Variants in PPFIA1 observed in about 807,000 individuals in gnomAD.
PPFIA1 encodes PPFI scaffold protein A1, also known as liprin-alpha-1.
PPFIA1 carries 25 observed loss-of-function variants against 149.9 expected under a neutral mutation model. That is an observed-to-expected ratio of 0.17 (90% CI 0.12 to 0.23). The LOEUF is 0.23. Ranked by LOEUF, PPFIA1 falls within the 10% of genes least tolerant of loss-of-function variation. PPFIA1 has a pLI of 1.00. For synonymous variants in PPFIA1, 549 were observed against 552.8 expected (o/e 0.99, Z 0.10); for missense variants, 1,362 against 1,506.5 (o/e 0.90, Z 1.59).
chr11:70,302,379 G>C (rs2052545286), intron 2 of PPFIA1, among the ~76,000 whole-genome samples: 1 of 152,214 alleles, frequency 6.6e-6, no homozygotes. Flanking sequence ...TGAGCTCACA[G>C]GAAGGTGGCT....
intron 21 of PPFIA1, chr11:70,365,465 C>T (rs151245840): frequency 2.2e-6 from 1 of 456,670 alleles, no homozygotes; most frequent in African/African-American, 2.0e-5. Context: ...CTGCACTCCT[C>T]CCAGCGCGTT....
intron 2 of PPFIA1, among the ~76,000 whole-genome samples, chr11:70,286,456 G>A (rs1019513350): frequency 6.6e-6 from 1 of 152,128 alleles, no homozygotes; most frequent in Non-Finnish European, 1.5e-5. Context: ...TCACCATGTT[G>A]GCCAGGCTGG....
chr11:70,324,651 A>G, intron 3 of PPFIA1, 148 bp downstream of exon 3: 1 of 862,736 alleles, frequency 1.2e-6, no homozygotes. Flanking sequence ...ATTAGTCAGC[A>G]TGATCACACA....
chr11:70,376,137 C>T (rs901589668), intron 24 of PPFIA1, among the ~76,000 whole-genome samples: 23 of 152,266 alleles, frequency 1.5e-4, no homozygotes, highest in African/African-American at 4.8e-4. Context: ...TACCGGCACA[C>T]GCCACCGTGC....
chr11:70,312,924 G>A (rs2053382054), intron 2 of PPFIA1, among the ~76,000 whole-genome samples: 1 of 152,194 alleles, frequency 6.6e-6, no homozygotes, highest in African/African-American at 2.4e-5. Flanking sequence ...CTAGCAAGGG[G>A]ACCTGTCCAT....
intron 2 of PPFIA1, chr11:70,279,025 G>A (rs997735271): frequency 2.1e-5 from 11 of 530,138 alleles, no homozygotes; most frequent in South Asian, 1.3e-4. Context: ...TTATCTCCAC[G>A]AATGGCAAGT....
At chr11:70,294,956 T>A (rs2051805427) in intron 2 of PPFIA1, among the ~76,000 whole-genome samples, 1 of 152,034 alleles carries the variant, frequency 6.6e-6, no homozygotes, top group East Asian at 1.9e-4. Context: ...GTCTACTTCT[T>A]TCCACACAGA....
chr11:70,306,592 T>C (rs998724570), intron 2 of PPFIA1, among the ~76,000 whole-genome samples: 3 of 152,194 alleles, frequency 2.0e-5, no homozygotes, highest in Admixed American at 6.5e-5. Context: ...ATGACAACCC[T>C]AGAAGGCATA....
chr11:70,298,515 T>G (rs997717611), intron 2 of PPFIA1, among the ~76,000 whole-genome samples: 17 of 152,320 alleles, frequency 1.1e-4, no homozygotes, highest in South Asian at 8.3e-4. Context: ...CCCCAAACTA[T>G]TTTTACTATA....
chr11:70,272,178 G>A lies in PPFIA1; in HGVS notation c.6G>A (p.Met2Ile). The A allele has an allele frequency of 1.9e-6, 3 of 1,613,336 alleles. No individual in the cohort carries two copies. In the African/African-American group the frequency reaches 4.0e-5, roughly 22 times the overall value. Residue 2 changes from methionine (M) to isoleucine (I), a missense_variant, in exon 2 of 28, where the codon ATG becomes ATA. By Grantham distance (10) the Met-to-Ile change is conservative. Transcript: ENST00000253925. Reference protein sequence around the residue: MMCEVMPTISEA... With the variant: MICEVMPTISEA... ...CCTGGGTCTTTCATTTCAAGATGAT[G>A]TGCGAGGTGATGCCGACCATCAGCG...
At position 70,291,560 on chromosome 11, in the gene PPFIA1, G is replaced by A. The variant is rs540655784; in HGVS notation, c.264+19124G>A. Among the ~76,000 whole-genome samples the A allele has an allele frequency of 2.1e-4, 32 of 152,326 alleles. 1 individual carries two copies. The highest frequency in any genetic ancestry group is 7.7e-4 in the African/African-American group (32 of 41,576). Reference sequence around the variant, plus strand: ...AGGGCGATCTCAGCAGACAGGCATTGTGCTCTTTGTGTTACCTGAAGGCAC... The same window carrying A: ...AGGGCGATCTCAGCAGACAGGCATTATGCTCTTTGTGTTACCTGAAGGCAC... On this transcript the variant is annotated intron_variant, in intron 2 of 27. Transcript: ENST00000253925.
At chr11:70,274,626 ACTT>A (rs1231059260) in intron 2 of PPFIA1, among the ~76,000 whole-genome samples, 2 of 152,172 alleles carry the variant, frequency 1.3e-5, no homozygotes, top group African/African-American at 4.8e-5. Context: ...AACAGACAGA[ACTT>A]ATTCTTTCTA....
chr11:70,330,455 CAT>C (rs370819010), intron 8 of PPFIA1, 136 bp downstream of exon 8: 52 of 688,870 alleles, frequency 7.5e-5, no homozygotes, highest in African/African-American at 6.6e-4. Flanking sequence ...ATGTTCAAGA[CAT>C]GTGGGAGTTC....
At chr11:70,324,571 A>T (rs766083683) in intron 3 of PPFIA1, 68 bp downstream of exon 3, 2 of 1,328,440 alleles carry the variant, frequency 1.5e-6, no homozygotes, top group African/African-American at 2.9e-5. Flanking sequence ...CGGTGTGTCA[A>T]AACGAAAGGA....
At chr11:70,295,696 C>G (rs1331487197) in intron 2 of PPFIA1, among the ~76,000 whole-genome samples, 1 of 148,662 alleles carries the variant, frequency 6.7e-6, no homozygotes, top group Admixed American at 6.6e-5. Flanking sequence ...CTGACCCCCC[C>G]CACCTCCCTC....
intron 2 of PPFIA1, among the ~76,000 whole-genome samples, chr11:70,301,628 TA>T (rs2052490087): frequency 6.6e-6 from 1 of 152,220 alleles, no homozygotes; most frequent in Non-Finnish European, 1.5e-5. Context: ...ACCTTAGAAA[TA>T]TTTTTTTGTT....
intron 21 of PPFIA1, among the ~76,000 whole-genome samples, chr11:70,368,708 C>G (rs2057078958): frequency 6.6e-6 from 1 of 152,218 alleles, no homozygotes; most frequent in Admixed American, 6.5e-5. Context: ...TATAAATTGG[C>G]CTTGCATCCT....
chr11:70,277,657 ATTG>A, intron 2 of PPFIA1, among the ~76,000 whole-genome samples: 1 of 151,958 alleles, frequency 6.6e-6, no homozygotes, highest in Non-Finnish European at 1.5e-5. Flanking sequence ...CATCCGGCTA[ATTG>A]TTGTATTTTT....
At chr11:70,381,486 C>G (rs1473399324) in intron 26 of PPFIA1, among the ~76,000 whole-genome samples, 1 of 152,220 alleles carries the variant, frequency 6.6e-6, no homozygotes, top group East Asian at 1.9e-4. Flanking sequence ...TTTCACCCCA[C>G]TCCCTGGCCA....
Sources: gnomAD v4.1 joint callset for allele counts (sites outside exome capture counted in the v4.1 genomes callset) on GRCh38, gnomAD v4.1.1 for gene constraint, MANE v1.5 for transcripts, NCBI Gene and HGNC (gene_info 2026-07-23, HGNC 2026-07-21) for gene names.